The following BRINP3 variants were observed in gnomAD, a reference collection of about 807,000 sequenced individuals.
The protein encoded by BRINP3 is BMP/retinoic acid inducible neural specific 3.
Under a neutral mutation model 71.0 loss-of-function variants are expected in BRINP3, and 19 were observed. That is an observed-to-expected ratio of 0.27 (90% CI 0.19 to 0.39). The LOEUF is 0.39. Among genes scored for constraint, BRINP3 ranks in the 10% least tolerant of loss-of-function variants. The probability of loss-of-function intolerance (pLI) is 1.00; values close to 1 mark genes in which losing one functional copy is unlikely to be tolerated. For missense variants in BRINP3, 959 were observed against 940.8 expected (o/e 1.02, Z -0.25); for synonymous variants, 380 against 337.7 (o/e 1.13, Z -1.37).
intron 3 of BRINP3, among the ~76,000 whole-genome samples, chr1:190,271,295 T>C (rs990338861): frequency 3.3e-5 from 5 of 151,600 alleles, no homozygotes; most frequent in African/African-American, 1.2e-4. Context: ...GTTCTAATGC[T>C]GGTTTCAATT....
intron 2 of BRINP3, among the ~76,000 whole-genome samples, chr1:190,325,789 T>C (rs1666542305): frequency 6.6e-6 from 1 of 152,142 alleles, no homozygotes; most frequent in South Asian, 2.1e-4. Context: ...AATATTTTTA[T>C]CATTTCTGCA....
chr1:190,351,845 T>G (rs1668408076), intron 2 of BRINP3, among the ~76,000 whole-genome samples: 1 of 152,100 alleles, frequency 6.6e-6, no homozygotes, highest in Non-Finnish European at 1.5e-5. Context: ...AACAAATCAG[T>G]ATAAGTAATT....
rs558456729 is a variant in BRINP3, at chr1:190,281,609, G to C, written c.378C>G (p.Asn126Lys). 6.2e-7 allele frequency: 1 copy of C among 1,612,824 alleles called. No individual in the cohort carries two copies. Among genetic ancestry groups the C allele is most frequent in the East Asian group, 2.2e-5 (1 of 44,816 alleles). Residue 126 changes from asparagine to lysine, a missense_variant, in exon 3 of 8, where the codon AAC becomes AAG. Transcript: ENST00000367462. ...RRPTLQQITE[N>K]LIKKYGTHFL... ...AATGTGTCCCATATTTCTTGATAAG[G>C]TTTTCTGTGATTTGCTGAAGGGTAG...
intron 6 of BRINP3, among the ~76,000 whole-genome samples, chr1:190,174,747 A>G (rs1652345420): frequency 6.6e-6 from 1 of 151,638 alleles, no homozygotes; most frequent in Non-Finnish European, 1.5e-5. Context: ...AAACCACCTA[A>G]CATAATAAAG....
chr1:190,339,787 C>G (rs1023608523), intron 2 of BRINP3, among the ~76,000 whole-genome samples: 1 of 151,892 alleles, frequency 6.6e-6, no homozygotes, highest in African/African-American at 2.4e-5. Context: ...TTCTTCATAT[C>G]TTATCTTCAA....
chr1:190,367,739 A>C (rs1045659896), intron 2 of BRINP3, among the ~76,000 whole-genome samples: 1 of 152,148 alleles, frequency 6.6e-6, no homozygotes, highest in African/African-American at 2.4e-5. Context: ...CAGGGGCAAA[A>C]TGCCACCAGT....
chr1:190,210,491 T>G (rs1445013011), intron 6 of BRINP3, among the ~76,000 whole-genome samples: 1 of 152,082 alleles, frequency 6.6e-6, no homozygotes, highest in African/African-American at 2.4e-5. Context: ...ACATTTATAA[T>G]GAAAACAATC....
intron 6 of BRINP3, among the ~76,000 whole-genome samples, chr1:190,219,493 A>C (rs1303075116): frequency 6.6e-6 from 1 of 152,064 alleles, no homozygotes; most frequent in African/African-American, 2.4e-5. Flanking sequence ...TCAACAGTAG[A>C]ATGGACCAAG....
At chr1:190,131,185 G>A (rs1654511123) in intron 7 of BRINP3, among the ~76,000 whole-genome samples, 1 of 123,146 alleles carries the variant, frequency 8.1e-6, no homozygotes, top group Middle Eastern at 4.7e-3. Context: ...TGTGGCGGGG[G>A]GTGGGGGGTG....
At chr1:190,373,051 T>G (rs931321736) in intron 2 of BRINP3, among the ~76,000 whole-genome samples, 2 of 152,092 alleles carry the variant, frequency 1.3e-5, no homozygotes, top group Admixed American at 6.5e-5. Flanking sequence ...AGAAGAAAAT[T>G]AGAATGATAT....
rs1025445259 is a variant in BRINP3 at position 190,206,319 on chromosome 1, C to CTAAA, written c.961+19759_961+19762dup. 5.5e-3 allele frequency among the ~76,000 whole-genome samples: 840 copies of CTAAA among 151,568 alleles called. 7 individuals are homozygous for CTAAA. The highest frequency in any genetic ancestry group is 0.018 in the African/African-American group (723 of 41,300). ...ACAGGTTTCTATTTGTCCTATTCTG[C>CTAAA]TAAATAAATAAATAAATAAATAAAT... On this transcript the variant is annotated intron_variant, in intron 6 of 7. Coordinates refer to ENST00000367462, the MANE Select transcript of BRINP3 (RefSeq NM_199051.3).
At chr1:190,477,385 A>G (rs941955659) in intron 1 of BRINP3, 63 bp downstream of exon 1, 2 of 152,230 alleles carry the variant, frequency 1.3e-5, no homozygotes, top group African/African-American at 4.8e-5. Flanking sequence ...ACTTCAACAA[A>G]ACAGAGCTTA....
chr1:190,269,658 A>G (rs1459946503), intron 3 of BRINP3, among the ~76,000 whole-genome samples: 1 of 152,222 alleles, frequency 6.6e-6, no homozygotes, highest in Admixed American at 6.6e-5. Flanking sequence ...AATATATTCA[A>G]TCTAAGTCAT....
chr1:190,263,842 C>T (rs563110535), intron 4 of BRINP3, among the ~76,000 whole-genome samples: 9 of 152,254 alleles, frequency 5.9e-5, no homozygotes, highest in African/African-American at 2.2e-4. Flanking sequence ...CCCGCCTCGG[C>T]CTCCCAAAGT....
intron 2 of BRINP3, among the ~76,000 whole-genome samples, chr1:190,382,227 GA>G (rs1366827562): frequency 6.6e-6 from 1 of 151,910 alleles, no homozygotes; most frequent in Non-Finnish European, 1.5e-5. Flanking sequence ...AGAGACTTAA[GA>G]TTTTTGTTTT....
chr1:190,468,423 G>T (rs903366263), intron 1 of BRINP3, among the ~76,000 whole-genome samples: 1 of 151,156 alleles, frequency 6.6e-6, no homozygotes, highest in Non-Finnish European at 1.5e-5. Flanking sequence ...TTTTATTCTG[G>T]CCTATCTTAC....
intron 4 of BRINP3, among the ~76,000 whole-genome samples, chr1:190,261,995 A>C (rs1466598904): frequency 6.6e-6 from 1 of 152,166 alleles, no homozygotes; most frequent in Non-Finnish European, 1.5e-5. Context: ...ACTTCTAAGC[A>C]CTTGCAATCT....
At chr1:190,457,140 G>A (rs1342583612) in intron 1 of BRINP3, among the ~76,000 whole-genome samples, 2 of 152,054 alleles carry the variant, frequency 1.3e-5, no homozygotes, top group Non-Finnish European at 2.9e-5. Flanking sequence ...CCAAACCGCT[G>A]ATGTTAAAAT....
intron 2 of BRINP3, among the ~76,000 whole-genome samples, chr1:190,382,699 C>G (rs537598297): frequency 2.6e-5 from 4 of 152,308 alleles, no homozygotes; most frequent in Non-Finnish European, 5.9e-5. Flanking sequence ...TGAACTTCAA[C>G]TGCTTTCAAA....
Sources: allele counts gnomAD v4.1 joint callset (sites outside exome capture counted in the v4.1 genomes callset), GRCh38; gene constraint gnomAD v4.1.1; transcripts MANE v1.5; gene names NCBI Gene and HGNC (gene_info 2026-07-23, HGNC 2026-07-21).